CBR4: variants seen among roughly 807,000 people sequenced by gnomAD.
The protein encoded by CBR4 is 3-oxoacyl-[acyl-carrier-protein] reductase.
Under a neutral mutation model 21.0 loss-of-function variants are expected in CBR4, and 22 were observed. That is an observed-to-expected ratio of 1.05 (90% confidence interval 0.75 to 1.50). The LOEUF (loss-of-function observed/expected upper bound fraction) is 1.50. Ranked by LOEUF, CBR4 falls within the 40% of genes most tolerant of loss-of-function variation. The pLI, the probability that CBR4 is intolerant of heterozygous loss-of-function variation, is 0.00. For missense variants in CBR4, 302 were observed against 286.3 expected (o/e 1.05, Z -0.40); for synonymous variants, 100 against 104.4 (o/e 0.96, Z 0.26).
At chr4:169,006,722 G>C (rs2126872847) in intron 3 of CBR4, 33 bp downstream of exon 3, 1 of 1,576,450 alleles carries the variant, frequency 6.3e-7, no homozygotes, top group Non-Finnish European at 8.7e-7. Flanking sequence ...GGTATTATGG[G>C]ATAATCATAA....
chr4:168,985,817 C>T (rs1283500945), downstream of CBR4, among the ~76,000 whole-genome samples: 1 of 152,016 alleles, frequency 6.6e-6, no homozygotes, highest in African/African-American at 2.4e-5. Flanking sequence ...GTTTTCTGTT[C>T]CTGCATTAAT....
At chr4:168,967,033 G>A (rs1045808934) in intron 2 of CBR4, among the ~76,000 whole-genome samples, 6 of 149,212 alleles carry the variant, frequency 4.0e-5, no homozygotes, top group Admixed American at 1.3e-4. Flanking sequence ...AAAAAATCAC[G>A]CTACTATAAA....
chr4:168,955,508 G>T (rs1763659633), intron 2 of CBR4, among the ~76,000 whole-genome samples: 1 of 152,156 alleles, frequency 6.6e-6, no homozygotes, highest in Admixed American at 6.5e-5. Context: ...AAAGACAGCT[G>T]AACATATTTT....
chr4:169,002,209 GGACAAAAA>G lies in CBR4; in HGVS notation c.401-12_401-5del. The G allele has an allele frequency of 1.3e-6, 1 of 752,900 alleles. No individual in the cohort carries two copies. The highest frequency in any genetic ancestry group is 1.6e-6 in the Non-Finnish European group (1 of 610,410). 46.6% of individuals were successfully genotyped at this position (752,900 alleles called of 1,614,324 possible). ...CCTTTTAAGCCAACAATGCTTCCTA[GGACAAAAA>G]AAAAAAAAAAAAAAAAAAAAGCGTA... On this transcript the variant is annotated splice_region_variant and splice_polypyrimidine_tract_variant and intron_variant, in intron 3 of 4. Transcript: ENST00000306193.
chr4:169,007,870 A>G (rs1731052706), intron 1 of CBR4, 114 bp from the exon 2 acceptor site: 1 of 636,316 alleles, frequency 1.6e-6, no homozygotes, highest in Admixed American at 3.8e-5. Context: ...TAGAACCTAA[A>G]GATTAAAAAA....
At chr4:168,981,957 A>C (rs1159644538) in intron 2 of CBR4, among the ~76,000 whole-genome samples, 2 of 152,228 alleles carry the variant, frequency 1.3e-5, no homozygotes, top group Non-Finnish European at 1.5e-5. Context: ...CACCACAAAA[A>C]CACACTCAAG....
Position 168,939,360 on chromosome 4 carries a change from T to C in CBR4, n.170-44595A>G, listed in dbSNP as rs140050708. Among the ~76,000 whole-genome samples the C allele has an allele frequency of 4.8e-3, 734 of 152,264 alleles. 7 individuals carry two copies. Among genetic ancestry groups the C allele is most frequent in the Admixed American group, 5.5e-3 (84 of 15,294 alleles). ...AATATCATACTGAACGGGAAAAAGC[T>C]GGAAGCATTCCCTTTGAAAACCGGC... On this transcript the variant is annotated intron_variant and non_coding_transcript_variant, in intron 2 of 3. Coordinates refer to the CBR4 transcript ENST00000509108.
intron 2 of CBR4, among the ~76,000 whole-genome samples, chr4:168,981,717 A>G (rs190078754): frequency 2.0e-5 from 3 of 152,358 alleles, no homozygotes; most frequent in East Asian, 1.9e-4. Flanking sequence ...CAGAACTTTC[A>G]GCAGAAACAC....
At chr4:168,934,273 C>CAAAAAAAAAAAAAAAAAAAAA (rs1206272373) in intron 2 of CBR4, among the ~76,000 whole-genome samples, 1 of 10,670 alleles carries the variant, frequency 9.4e-5, no homozygotes, top group Non-Finnish European at 2.0e-4. Flanking sequence ...ACTAGAAAAG[C>CAAAAAAAAAAAAAAAAAAAAA]AAAAAAAACA....
intron 2 of CBR4, among the ~76,000 whole-genome samples, chr4:168,897,157 G>A (rs141869108): frequency 6.6e-6 from 1 of 152,060 alleles, no homozygotes; most frequent in East Asian, 1.9e-4. Flanking sequence ...TCTGTCATTA[G>A]TGGATACTCT....
rs996378748 is a variant in CBR4, at chr4:168,994,402, T to C, written c.536-4074A>G. Among the ~76,000 whole-genome samples the C allele has an allele frequency of 7.9e-5, 12 of 152,270 alleles. No homozygotes were observed. The East Asian group carries it at 2.3e-3, about 29-fold the overall frequency. ...GGGTGTCATGGCCATCACAAACAGG[T>C]CACGGTGCTGCAGGGATTTTGTTTA... On this transcript the variant is annotated intron_variant, in intron 4 of 4. Transcript: ENST00000306193.
intron 2 of CBR4, among the ~76,000 whole-genome samples, chr4:168,896,208 CAAA>C (rs35567491): frequency 1.5e-5 from 2 of 132,190 alleles, no homozygotes; most frequent in Non-Finnish European, 1.6e-5. Flanking sequence ...GACTCCATCT[CAAA>C]AAAAAAAAAA....
chr4:168,933,667 A>T (rs537559968), intron 2 of CBR4, among the ~76,000 whole-genome samples: 1 of 152,340 alleles, frequency 6.6e-6, no homozygotes, highest in South Asian at 2.1e-4. Flanking sequence ...AAATGGACCT[A>T]ACAGACACCT....
intron 2 of CBR4, chr4:168,903,946 G>A: frequency 1.3e-6 from 2 of 1,560,688 alleles, no homozygotes; most frequent in Non-Finnish European, 1.8e-6. Flanking sequence ...TCTGTGTCTA[G>A]TGCTTACAGG....
At chr4:168,927,589 T>TA (rs1471260567) in intron 2 of CBR4, 2 of 229,430 alleles carry the variant, frequency 8.7e-6, no homozygotes, top group Non-Finnish European at 1.7e-5. Context: ...GTTTGTGCCA[T>TA]AAAGTATTTT....
intron 2 of CBR4, among the ~76,000 whole-genome samples, chr4:168,907,042 T>C (rs1582076552): frequency 6.6e-6 from 1 of 152,138 alleles, no homozygotes; most frequent in African/African-American, 2.4e-5. Context: ...GAATTCTAGC[T>C]CTGCCACTCA....
At chr4:168,919,545 A>C (rs1760993644) in intron 2 of CBR4, among the ~76,000 whole-genome samples, 1 of 151,474 alleles carries the variant, frequency 6.6e-6, no homozygotes. Context: ...AAAGTGAAAA[A>C]CCTTGCCACA....
At chr4:168,969,621 T>C (rs1048302912) in intron 2 of CBR4, among the ~76,000 whole-genome samples, 1 of 152,158 alleles carries the variant, frequency 6.6e-6, no homozygotes, top group African/African-American at 2.4e-5. Flanking sequence ...AGCCTCCATG[T>C]TGCCCATGGA....
rs1343300689 is a variant in CBR4 at position 168,924,564 on chromosome 4, C to T, written n.170-29799G>A. ...TGATGAAATCAATCAAAGACAAAAACCATGCGTTACCCAATGTAGGATTAA... is the reference window on the plus strand; with the variant it reads ...TGATGAAATCAATCAAAGACAAAAATCATGCGTTACCCAATGTAGGATTAA... On this transcript the variant is annotated intron_variant and non_coding_transcript_variant, in intron 2 of 3. Transcript: ENST00000509108. 7.1e-6 allele frequency: 6 copies of T among 843,282 alleles called. No individual in the cohort carries two copies. In the African/African-American group the frequency reaches 8.4e-5, roughly 12 times the overall value. 52.2% of individuals were successfully genotyped at this position (843,282 alleles called of 1,614,324 possible).
Sources: gnomAD v4.1 joint callset for allele counts (sites outside exome capture counted in the v4.1 genomes callset) on GRCh38, gnomAD v4.1.1 for gene constraint, MANE v1.5 for transcripts, NCBI Gene and HGNC (gene_info 2026-07-23, HGNC 2026-07-21) for gene names.